PPP2R1A: variants seen among roughly 807,000 people sequenced by gnomAD.
The protein encoded by PPP2R1A is serine/threonine-protein phosphatase 2A 65 kDa regulatory subunit A alpha isoform.
Under a neutral mutation model 67.1 loss-of-function variants are expected in PPP2R1A, and 15 were observed. The ratio of observed to expected loss-of-function variants is 0.22; its 90% CI spans 0.15 to 0.34. The LOEUF (loss-of-function observed/expected upper bound fraction) is 0.34, where lower values mean the gene tolerates loss of function less well. Among genes scored for constraint, PPP2R1A ranks in the 10% least tolerant of loss-of-function variants. The pLI is 1.00. For missense variants in PPP2R1A, 369 were observed against 775.0 expected, an observed-to-expected ratio of 0.48 and a Z score of 6.22; for synonymous variants, 337 against 325.0, an observed-to-expected ratio of 1.04 and a Z score of -0.40.
chr19:52,203,434 C>G (rs1260602245), intron 2 of PPP2R1A, among the ~76,000 whole-genome samples: 2 of 152,140 alleles, frequency 1.3e-5, no homozygotes, highest in Non-Finnish European at 2.9e-5. Flanking sequence ...CCTGGGTTTG[C>G]AATAAGCAGC....
At chr19:52,203,332 G>A (rs960152422) in intron 2 of PPP2R1A, among the ~76,000 whole-genome samples, 3 of 152,180 alleles carry the variant, frequency 2.0e-5, no homozygotes, top group Non-Finnish European at 2.9e-5. Flanking sequence ...GGCTTCTATT[G>A]GTGAACTGTT....
intron 1 of PPP2R1A, chr19:52,201,732 G>A: frequency 1.8e-6 from 1 of 553,688 alleles, no homozygotes. Context: ...GGATGCTTTT[G>A]CATTTGTTGC....
At position 52,216,776 on chromosome 19, in the gene PPP2R1A, C is replaced by A. The variant is rs1457687833; in HGVS notation, c.1128+113C>A. 2.7e-6 allele frequency: 4 copies of A among 1,493,918 alleles called. No individual in the cohort carries two copies. In the South Asian group the frequency reaches 4.9e-5, roughly 18 times the overall value. 92.5% of individuals were successfully genotyped at this position (1,493,918 alleles called of 1,614,324 possible). ...AATCTGCTGATATCTCAACAGACAT[C>A]CAGATCTTTGCTGAGTTGCATGTTT... On this transcript the variant is annotated intron_variant, in intron 9 of 14. Transcript: ENST00000322088. This position sits in a 1 kb window ranked among gnomAD's most constrained non-coding sequence, Gnocchi z 4.3.
intron 2 of PPP2R1A, 127 bp downstream of exon 2, chr19:52,202,161 G>A (rs866103564): frequency 2.6e-6 from 2 of 760,146 alleles, no homozygotes; most frequent in Middle Eastern, 2.5e-4. Context: ...ACACTATGGA[G>A]TGGGAAAAGG....
chr19:52,220,677 C>T (rs8100500), intron 11 of PPP2R1A, among the ~76,000 whole-genome samples: 26,828 of 152,006 alleles, frequency 0.18, 2,478 homozygotes, highest in African/African-American at 0.24. Context: ...CTCTGTGAAG[C>T]CCTGTTTGAA....
intron 1 of PPP2R1A, among the ~76,000 whole-genome samples, chr19:52,193,036 A>C (rs1465194677): frequency 6.6e-6 from 1 of 152,262 alleles, no homozygotes; most frequent in Non-Finnish European, 1.5e-5. Flanking sequence ...GTAACAAATT[A>C]TTGGGTGCTT....
At chr19:52,222,413 A>G (rs1038514546) in intron 13 of PPP2R1A, 172 bp downstream of exon 13, 18 of 969,416 alleles carry the variant, frequency 1.9e-5, no homozygotes, top group Non-Finnish European at 2.6e-5. Flanking sequence ...TAAAATGAAC[A>G]TCACAGCATG....
In PPP2R1A at chr19:52,201,988, C is replaced by A; in HGVS notation, c.123C>A (p.Ala41=). ...SIKKLSTIAL[A]LGVERTRSEL... Reference sequence around the variant, plus strand: ...AGAAGCTGTCCACCATCGCCTTGGCCCTTGGGGTTGAAAGGACCCGAAGTG... The same window carrying A: ...AGAAGCTGTCCACCATCGCCTTGGCACTTGGGGTTGAAAGGACCCGAAGTG... Residue 41 remains alanine (A), a synonymous_variant, in exon 2 of 15, where the codon GCC becomes GCA. Transcript: ENST00000322088. The A allele has an allele frequency of 6.2e-7, 1 of 1,614,106 alleles. No homozygotes were observed. The highest frequency in any genetic ancestry group is 8.5e-7 in the Non-Finnish European group (1 of 1,180,016).
In PPP2R1A at chr19:52,215,872, G is replaced by A. The variant is rs771769470; in HGVS notation, c.901G>A (p.Ala301Thr). The A allele has an allele frequency of 8.7e-6, 14 of 1,613,990 alleles. No homozygotes were observed. Among genetic ancestry groups the A allele is most frequent in the South Asian group, 4.4e-5 (4 of 91,082 alleles). The change falls in exon 7 of 15, where the codon GCA (alanine) becomes ACA (threonine). Residue 301 changes from alanine (A) to threonine (T), a missense_variant. By Grantham distance (58) the Ala-to-Thr change is moderately conservative. This residue lies in a region of PPP2R1A where 276 missense variants were observed against 508.4 expected (regional missense o/e 0.54). Coordinates refer to ENST00000322088, the MANE Select transcript of PPP2R1A (RefSeq NM_014225.6). ...MKDCEAEVRA[A>T]ASHKVKEFCE... ...AGACTGTGAGGCCGAGGTGAGGGCC[G>A]CAGCCTCCCACAAGGTCAAAGGTTG... is the stretch of plus-strand genomic sequence containing the variant.
rs1482935131 is a variant in PPP2R1A at position 52,190,190 on chromosome 19, G to GGGACTTGGGGAAGACGC, written c.78+20_78+36dup. ...GGACGTTCAGGTCCGGAGGCTACGG[G>GGGACTTGGGGAAGACGC]GGACTTGGGGAAGACGCGGAGGGGT... On this transcript the variant is annotated intron_variant, in intron 1 of 14. Coordinates refer to ENST00000322088, the MANE Select transcript of PPP2R1A (RefSeq NM_014225.6). The GGGACTTGGGGAAGACGC allele has an allele frequency of 1.3e-6, 2 of 1,549,958 alleles. No homozygotes were observed. The highest frequency in any genetic ancestry group is 1.2e-5 in the South Asian group (1 of 84,034).
chr19:52,219,853 G>T lies in PPP2R1A; in HGVS notation c.1291G>T (p.Ala431Ser). ...CATCATTGAGTACATGCCCCTCCTG[G>T]CTGGACAGCTGGTGAGTGAGGAGGC... ...LAIIEYMPLL[A>S]GQLGVEFFDE... The change falls in exon 10 of 15, where the codon GCT becomes TCT. Residue 431 changes from alanine (A) to serine (S), a missense_variant. Around this residue, in one of 2 missense-constraint regions of PPP2R1A, gnomAD observed 276 missense variants for 508.4 expected, o/e 0.54. Transcript: ENST00000322088. This position sits in a 1 kb window ranked among gnomAD's most constrained non-coding sequence, Gnocchi z 4.0. 1 of 1,610,590 alleles carries T rather than the reference G, an allele frequency of 6.2e-7. No individual in the cohort carries two copies.
Position 52,219,876 on chromosome 19 carries a change from G to A in PPP2R1A, c.1302+12G>A, listed in dbSNP as rs1042762884. ...TGGCTGGACAGCTGGTGAGTGAGGA[G>A]GCCTGGGGGCCAGGCAGTGCTGCCT... is the stretch of plus-strand genomic sequence containing the variant. On this transcript the variant is annotated intron_variant, in intron 10 of 14. Coordinates refer to ENST00000322088, the MANE Select transcript of PPP2R1A (RefSeq NM_014225.6). The surrounding 1 kb of genome is among the most constrained non-coding windows in gnomAD (Gnocchi z 4.0). 6.2e-7 allele frequency: 1 copy of A among 1,605,042 alleles called. No individual in the cohort carries two copies. The highest frequency in any genetic ancestry group is 1.3e-5 in the African/African-American group (1 of 74,888).
intron 1 of PPP2R1A, chr19:52,190,444 G>A (rs182258060): frequency 3.6e-6 from 2 of 553,204 alleles, no homozygotes; most frequent in African/African-American, 2.0e-5. Flanking sequence ...GGGAGGTTGT[G>A]GCCAGGGCTG....
chr19:52,190,255 G>A (rs1178439113), intron 1 of PPP2R1A, 81 bp downstream of exon 1: 4 of 1,475,072 alleles, frequency 2.7e-6, no homozygotes, highest in South Asian at 1.2e-5. Flanking sequence ...AAGACTCAGC[G>A]TTCGCTGGGA....
chr19:52,220,378 C>A, intron 11 of PPP2R1A, 129 bp downstream of exon 11: 2 of 968,806 alleles, frequency 2.1e-6, no homozygotes, highest in Non-Finnish European at 3.2e-6. Flanking sequence ...CTCGTATGGA[C>A]CAGCTCGCAT....
At chr19:52,204,720 C>T (rs111383855) in intron 2 of PPP2R1A, among the ~76,000 whole-genome samples, 2,134 of 152,238 alleles carry the variant, frequency 0.014, 50 homozygotes, top group African/African-American at 0.049. Flanking sequence ...AGGCTGGGAA[C>T]GAGCCTAAGA....
intron 1 of PPP2R1A, 164 bp from the exon 2 acceptor site, chr19:52,201,780 C>T (rs988928000): frequency 1.2e-5 from 7 of 598,222 alleles, no homozygotes; most frequent in South Asian, 3.9e-5. Flanking sequence ...ATGATTCCCT[C>T]GAGGTCACAG....
chr19:52,214,893 A>C (rs1344324436), intron 6 of PPP2R1A, among the ~76,000 whole-genome samples: 1 of 151,812 alleles, frequency 6.6e-6, no homozygotes, highest in Non-Finnish European at 1.5e-5. Context: ...CACCCAGCTA[A>C]TTTTGTATTT....
At chr19:52,200,529 A>G (rs780493257) in intron 1 of PPP2R1A, 1 of 152,232 alleles carries the variant, frequency 6.6e-6, no homozygotes, top group African/African-American at 2.4e-5. Context: ...GAGATCTATT[A>G]TGTGTGTTAG....
Sources: gnomAD v4.1 joint callset for allele counts (sites outside exome capture counted in the v4.1 genomes callset) on GRCh38, gnomAD v4.1.1 for gene constraint, gnomAD v4.1.1 regional missense constraint, Gnocchi (gnomAD v3.1) non-coding constraint, MANE v1.5 for transcripts, NCBI Gene and HGNC (gene_info 2026-07-23, HGNC 2026-07-21) for gene names.